Variants in NLRP14 observed in about 807,000 individuals in gnomAD.
NLRP14 encodes the protein NLR family pyrin domain containing 14, also known as NACHT, LRR and PYD domains-containing protein 14.
NLRP14 carries 105 observed loss-of-function variants against 94.7 expected under a neutral mutation model. That is an observed-to-expected ratio of 1.11 (90% CI 0.95 to 1.30). NLRP14 has a LOEUF of 1.30. Among genes scored for constraint, NLRP14 ranks in the 50% most tolerant of loss-of-function variants. NLRP14 has a pLI of 0.00. For missense variants in NLRP14, 1,362 were observed against 1,254.1 expected (o/e 1.09, Z -1.30); for synonymous variants, 508 against 459.9 (o/e 1.10, Z -1.34).
At chr11:7,041,030 T>C (rs1852240717) in intron 3 of NLRP14, among the ~76,000 whole-genome samples, 2 of 152,166 alleles carry the variant, frequency 1.3e-5, no homozygotes, top group South Asian at 4.1e-4. Flanking sequence ...CTTTGGAAAA[T>C]ACTGTAAGTA....
chr11:7,026,221 C>T (rs1205223930), intron 1 of NLRP14, among the ~76,000 whole-genome samples: 5 of 152,048 alleles, frequency 3.3e-5, no homozygotes, highest in African/African-American at 1.2e-4. Context: ...AACAGGCAAC[C>T]TACAGAATGG....
chr11:7,063,055 G>C (rs1420868313), intron 10 of NLRP14, among the ~76,000 whole-genome samples: 2 of 152,084 alleles, frequency 1.3e-5, no homozygotes. Context: ...ATAATGACAT[G>C]TGTCATCCTT....
At chr11:7,047,494 T>C (rs1852373583) in intron 5 of NLRP14, among the ~76,000 whole-genome samples, 1 of 151,630 alleles carries the variant, frequency 6.6e-6, no homozygotes, top group Admixed American at 6.6e-5. Flanking sequence ...TTTGTAGAGA[T>C]GTGGTCTCAC....
In NLRP14 at chr11:7,029,710, C is replaced by CACATACT. The variant is rs1376129149; in HGVS notation, c.-21-8855_-21-8849dup. 5.3e-5 allele frequency among the ~76,000 whole-genome samples: 8 copies of CACATACT among 152,288 alleles called. No homozygotes were observed. The South Asian group carries it at 1.7e-3, about 32-fold the overall frequency. Reference sequence around the variant, plus strand: ...AGAATTTATAGTTTCTCTTAAGATGCACATACTCGTGAATGTAATATTCAG... The same window carrying CACATACT: ...AGAATTTATAGTTTCTCTTAAGATGCACATACTACATACTCGTGAATGTAATATTCAG... On this transcript the variant is annotated intron_variant, in intron 1 of 11. Coordinates refer to ENST00000299481, the MANE Select transcript of NLRP14 (RefSeq NM_176822.4).
chr11:7,043,457 G>A lies in NLRP14; in HGVS notation c.1431G>A (p.Val477=), dbSNP rs1386587131. The A allele has an allele frequency of 1.9e-6, 3 of 1,614,006 alleles. No homozygotes were observed. The highest frequency in any genetic ancestry group is 2.2e-5 in the East Asian group (1 of 44,894). The change falls in exon 4 of 12, where the codon GTG becomes GTA. Residue 477 remains valine (V), a synonymous_variant. Transcript: ENST00000299481. ...QKDAEYENCY[V]FTHLHVQEFF... is the part of the protein sequence containing the mutation. ...ACGCAGAGTATGAAAACTGCTATGT[G>A]TTCACCCACCTTCATGTTCAGGAGT...
chr11:7,090,552 T>G, the NLRP14 span: 1 of 531,736 alleles, frequency 1.9e-6, no homozygotes, highest in Non-Finnish European at 3.4e-6. Context: ...AGTACTAGTC[T>G]TCTTACATTT....
At chr11:7,044,179 A>G (rs920586874) in intron 4 of NLRP14, among the ~76,000 whole-genome samples, 195 bp downstream of exon 4, 1 of 152,104 alleles carries the variant, frequency 6.6e-6, no homozygotes, top group Non-Finnish European at 1.5e-5. Flanking sequence ...GTGGGCAAAA[A>G]CTTTCCTGAG....
intron 10 of NLRP14, among the ~76,000 whole-genome samples, chr11:7,066,858 T>G (rs1233885031): frequency 6.6e-6 from 1 of 152,186 alleles, no homozygotes; most frequent in East Asian, 1.9e-4. Flanking sequence ...CATCTTGAAT[T>G]AATTTTGTGT....
the NLRP14 span, among the ~76,000 whole-genome samples, chr11:7,078,907 G>C: frequency 1.3e-5 from 2 of 152,152 alleles, no homozygotes; most frequent in African/African-American, 4.8e-5. Flanking sequence ...CACATGTCTG[G>C]ACCATTGAAC....
At chr11:7,053,480 T>C (rs1239831599) in intron 6 of NLRP14, among the ~76,000 whole-genome samples, 1 of 149,112 alleles carries the variant, frequency 6.7e-6, no homozygotes, top group Non-Finnish European at 1.5e-5. Context: ...TATATATATA[T>C]ATATACTTTA....
the NLRP14 span, among the ~76,000 whole-genome samples, chr11:7,082,553 A>G: frequency 1.3e-5 from 2 of 152,218 alleles, no homozygotes; most frequent in Admixed American, 6.5e-5. Context: ...GGCATGAGAT[A>G]TAACTGAGTA....
chr11:7,057,726 G>A lies in NLRP14; in HGVS notation c.2341G>A (p.Ala781Thr). 1.2e-6 allele frequency: 2 copies of A among 1,612,526 alleles called. No individual in the cohort carries two copies. Among genetic ancestry groups the A allele is most frequent in the Non-Finnish European group, 1.7e-6 (2 of 1,178,784 alleles). The change falls in exon 7 of 12, where the codon GCT becomes ACT. Residue 781 changes from alanine to threonine, a missense_variant. Transcript: ENST00000299481. ...TVFCCLNISN[A>T]LIRSQSLIFL... ...ATTTTGTTGTCTAAATATATCTAATGCTCTCATCAGAAGCCAGAGCCTGAT... is the reference window on the plus strand; with the variant it reads ...ATTTTGTTGTCTAAATATATCTAATACTCTCATCAGAAGCCAGAGCCTGAT...
In NLRP14 at chr11:7,070,345, G is replaced by T. The variant is rs755118452; in HGVS notation, c.3035G>T (p.Cys1012Phe). Residue 1012 changes from cysteine to phenylalanine, a missense_variant, in exon 11 of 12, where the codon TGC becomes TTC. Cys to Phe is a radical substitution (Grantham distance 205). Coordinates refer to ENST00000299481, the MANE Select transcript of NLRP14 (RefSeq NM_176822.4). ...CCQDLSSALI[C>F]NKRLIKMNLT... ...CAAGATCTCTCCTCTGCTCTTATCTGCAACAAAAGACTGATAAAAATGAAT... is the reference window on the plus strand; with the variant it reads ...CAAGATCTCTCCTCTGCTCTTATCTTCAACAAAAGACTGATAAAAATGAAT... 9 of 1,610,356 alleles carry T rather than the reference G, an allele frequency of 5.6e-6. No homozygotes were observed. The South Asian group carries it at 7.7e-5, about 14-fold the overall frequency.
At chr11:7,081,840 A>C in the NLRP14 span, among the ~76,000 whole-genome samples, 1 of 152,194 alleles carries the variant, frequency 6.6e-6, no homozygotes, top group Non-Finnish European at 1.5e-5. Context: ...TGATTAAATG[A>C]TTGGCCATCA....
chr11:7,088,893 C>T, the NLRP14 span: 1 of 578,712 alleles, frequency 1.7e-6, no homozygotes, highest in Non-Finnish European at 3.1e-6. Flanking sequence ...AAAGGAGACA[C>T]AAAACTGCCG....
At chr11:7,084,613 C>T in the NLRP14 span, among the ~76,000 whole-genome samples, 2 of 152,180 alleles carry the variant, frequency 1.3e-5, no homozygotes, top group East Asian at 1.9e-4. Context: ...AAGGGTGGCT[C>T]ACTCCAGCTT....
At chr11:7,074,233 A>G (rs370605768), downstream of NLRP14, among the ~76,000 whole-genome samples, 1 of 152,216 alleles carries the variant, frequency 6.6e-6, no homozygotes. Context: ...GTTTTCGTGA[A>G]AATTTGCAAG....
chr11:7,027,434 T>C (rs1852031896), intron 1 of NLRP14, among the ~76,000 whole-genome samples: 1 of 152,000 alleles, frequency 6.6e-6, no homozygotes, highest in Non-Finnish European at 1.5e-5. Context: ...ACCAGGGAGA[T>C]TTCTGGAACC....
In NLRP14 at chr11:7,071,283, A is replaced by G; in HGVS notation, c.3257A>G (p.Asp1086Gly). 1 of 1,613,502 alleles carries G rather than the reference A, an allele frequency of 6.2e-7. No homozygotes were observed. Among genetic ancestry groups the G allele is most frequent in the Non-Finnish European group, 8.5e-7 (1 of 1,179,592 alleles). ...KPDCNYHNEEDVSWWWCF is the reference protein window; with the variant it reads ...KPDCNYHNEEGVSWWWCF ...GATTGTAACTATCATAATGAAGAAG[A>G]TGTGTCTTGGTGGTGGTGTTTCTGA... Residue 1086 changes from aspartate to glycine, a missense_variant, in exon 12 of 12, where the codon GAT (aspartate) becomes GGT (glycine). Coordinates refer to ENST00000299481, the MANE Select transcript of NLRP14 (RefSeq NM_176822.4).
Sources: allele counts gnomAD v4.1 joint callset (sites outside exome capture counted in the v4.1 genomes callset), GRCh38; gene constraint gnomAD v4.1.1; transcripts MANE v1.5; gene names NCBI Gene and HGNC (gene_info 2026-07-23, HGNC 2026-07-21).